Variants in DENND5A observed in about 807,000 individuals in gnomAD.
The protein encoded by DENND5A is DENN domain-containing protein 5A.
DENND5A carries 64 observed loss-of-function variants against 140.3 expected under a neutral mutation model. The observed-to-expected ratio is 0.46, with a 90% CI of 0.37 to 0.56. The LOEUF (loss-of-function observed/expected upper bound fraction) is 0.56, where lower values mean the gene tolerates loss of function less well. Among genes scored for constraint, DENND5A ranks in the 20% least tolerant of loss-of-function variants. The pLI, the probability that DENND5A is intolerant of heterozygous loss-of-function variation, is 0.00. For missense variants in DENND5A, 1,292 were observed against 1,593.8 expected (o/e 0.81, Z 3.22); for synonymous variants, 605 against 607.7 (o/e 1.00, Z 0.07).
At chr11:9,195,249 T>C (rs1006322675) in intron 4 of DENND5A, among the ~76,000 whole-genome samples, 2 of 151,758 alleles carry the variant, frequency 1.3e-5, no homozygotes, top group African/African-American at 4.8e-5. Flanking sequence ...CGAGCTAATT[T>C]TGTATTTTTT....
rs76388285 is a variant in DENND5A, at chr11:9,249,260, A to C, written c.109+15701T>G. On this transcript the variant is annotated intron_variant, in intron 1 of 22. Transcript: ENST00000328194. ...AAAAGAAAAAGAACCAAGTCCTCTG[A>C]CACTCCTGGAAAGTAATTCTAACGT... 3.4e-3 allele frequency among the ~76,000 whole-genome samples: 515 copies of C among 152,162 alleles called. 4 individuals are homozygous for C. Among genetic ancestry groups the C allele is most frequent in the African/African-American group, 0.012 (490 of 41,554 alleles).
chr11:9,150,131 C>CT lies in DENND5A; in HGVS notation c.2684dup (p.Leu896ValfsTer14). ...GCTGCTTCAGGTGTCTGGAAAGTAA[C>CT]TTTTTTTCCATGGACAGTCGCACCC... On this transcript the variant is annotated frameshift_variant, in exon 15 of 23. Transcript: ENST00000328194. LOFTEE classifies it high-confidence loss of function. 1 of 1,613,962 alleles carries CT rather than the reference C, an allele frequency of 6.2e-7. No individual in the cohort carries two copies. Among genetic ancestry groups the CT allele is most frequent in the African/African-American group, 1.3e-5 (1 of 75,032 alleles).
chr11:9,209,384 G>A (rs1341760670), intron 1 of DENND5A, among the ~76,000 whole-genome samples: 1 of 152,158 alleles, frequency 6.6e-6, no homozygotes. Context: ...TGGAGCCAAA[G>A]GTGAGCATGA....
chr11:9,169,002 A>G (rs1475339886), intron 10 of DENND5A, among the ~76,000 whole-genome samples: 1 of 152,226 alleles, frequency 6.6e-6, no homozygotes, highest in Non-Finnish European at 1.5e-5. Context: ...ATGAAGATTC[A>G]GGAGGTAAAT....
intron 20 of DENND5A, chr11:9,143,113 T>C: frequency 1.7e-6 from 1 of 588,960 alleles, no homozygotes. Flanking sequence ...GTGGCCACTA[T>C]TCAAGGAGAC....
intron 5 of DENND5A, among the ~76,000 whole-genome samples, chr11:9,184,188 T>C (rs1848827261): frequency 6.6e-6 from 1 of 151,716 alleles, no homozygotes; most frequent in Non-Finnish European, 1.5e-5. Context: ...CTGTCTCTAC[T>C]AAAAATGCAA....
At chr11:9,232,907 A>G (rs1167806512) in intron 1 of DENND5A, among the ~76,000 whole-genome samples, 2 of 152,218 alleles carry the variant, frequency 1.3e-5, no homozygotes, top group Non-Finnish European at 2.9e-5. Context: ...ACCAACCTAA[A>G]ACTATACACA....
intron 10 of DENND5A, among the ~76,000 whole-genome samples, chr11:9,168,092 A>ATT (rs11285106): frequency 1.4e-5 from 2 of 141,976 alleles, no homozygotes; most frequent in Non-Finnish European, 3.1e-5. Context: ...AACCTCAGTG[A>ATT]TTTTTTTTTT....
intron 5 of DENND5A, among the ~76,000 whole-genome samples, chr11:9,192,020 T>A (rs1193882389): frequency 6.6e-6 from 1 of 152,184 alleles, no homozygotes; most frequent in Non-Finnish European, 1.5e-5. Context: ...CATTTAGATT[T>A]TTTTTCCTTA....
At chr11:9,161,532 C>T (rs1241687486) in intron 11 of DENND5A, among the ~76,000 whole-genome samples, 3 of 152,240 alleles carry the variant, frequency 2.0e-5, no homozygotes, top group Admixed American at 6.5e-5. Flanking sequence ...ACCAAACAAA[C>T]CTTTGAGCAT....
intron 1 of DENND5A, among the ~76,000 whole-genome samples, chr11:9,217,871 C>A (rs540054978): frequency 6.6e-6 from 1 of 152,186 alleles, no homozygotes; most frequent in East Asian, 1.9e-4. Flanking sequence ...TCTTTTCCCA[C>A]ACACAAAAAT....
At chr11:9,249,328 T>C (rs1386675648) in intron 1 of DENND5A, among the ~76,000 whole-genome samples, 2 of 152,176 alleles carry the variant, frequency 1.3e-5, no homozygotes, top group Non-Finnish European at 1.5e-5. Flanking sequence ...ATCAGGTTTA[T>C]TCATTTACTG....
chr11:9,188,341 CCA>C (rs1848993045), intron 5 of DENND5A, among the ~76,000 whole-genome samples: 1 of 152,120 alleles, frequency 6.6e-6, no homozygotes. Context: ...CTTTTTCTTC[CCA>C]CTCTCAGGTA....
intron 5 of DENND5A, among the ~76,000 whole-genome samples, chr11:9,191,714 G>A (rs909408568): frequency 6.6e-6 from 1 of 152,214 alleles, no homozygotes; most frequent in East Asian, 1.9e-4. Flanking sequence ...TGATGCCAAA[G>A]AGGAAAATAA....
intron 15 of DENND5A, among the ~76,000 whole-genome samples, chr11:9,149,520 G>T (rs919976681): frequency 6.6e-6 from 1 of 152,210 alleles, no homozygotes; most frequent in African/African-American, 2.4e-5. Flanking sequence ...CTGGAAGAGG[G>T]ATGAACCACG....
intron 1 of DENND5A, among the ~76,000 whole-genome samples, chr11:9,261,172 C>CA (rs1236627741): frequency 2.0e-5 from 3 of 152,112 alleles, no homozygotes; most frequent in Non-Finnish European, 4.4e-5. Context: ...TTGTTGCAGA[C>CA]AGAGAGGAAT....
chr11:9,187,149 C>G (rs970880940), intron 5 of DENND5A, among the ~76,000 whole-genome samples: 1 of 152,072 alleles, frequency 6.6e-6, no homozygotes, highest in African/African-American at 2.4e-5. Context: ...AATTACTACA[C>G]TCATACAATA....
chr11:9,218,118 G>A (rs1850166059), intron 1 of DENND5A, among the ~76,000 whole-genome samples: 1 of 152,158 alleles, frequency 6.6e-6, no homozygotes, highest in African/African-American at 2.4e-5. Context: ...GATTAGCCAG[G>A]CATGGTGGTG....
intron 1 of DENND5A, among the ~76,000 whole-genome samples, chr11:9,221,364 G>A (rs1175321955): frequency 6.6e-6 from 1 of 152,138 alleles, no homozygotes; most frequent in East Asian, 1.9e-4. Context: ...CTGGGAGGCA[G>A]AGGTTGTAGT....
Sources: allele counts gnomAD v4.1 joint callset (sites outside exome capture counted in the v4.1 genomes callset), GRCh38; gene constraint gnomAD v4.1.1; transcripts MANE v1.5; gene names NCBI Gene and HGNC (gene_info 2026-07-23, HGNC 2026-07-21).